Variants in NKAIN2 observed in about 807,000 individuals in gnomAD.
The protein encoded by NKAIN2 is sodium/potassium transporting ATPase interacting 2.
NKAIN2 carries 14 observed loss-of-function variants against 32.6 expected under a neutral mutation model. That is an observed-to-expected ratio of 0.43 (90% CI 0.28 to 0.67). NKAIN2 has a LOEUF of 0.67. Among genes scored for constraint, NKAIN2 ranks in the 30% least tolerant of loss-of-function variants. NKAIN2 has a pLI of 0.17. For synonymous variants in NKAIN2, 80 were observed against 87.2 expected (o/e 0.92, Z 0.46); for missense variants, 198 against 258.3 (o/e 0.77, Z 1.60).
chr6:123,922,674 C>T (rs1172200139), intron 1 of NKAIN2, among the ~76,000 whole-genome samples: 3 of 152,028 alleles, frequency 2.0e-5, no homozygotes, highest in African/African-American at 7.2e-5. Context: ...TCAATTTTCT[C>T]AATGTGCATG....
chr6:124,185,670 T>C (rs1304682778), intron 1 of NKAIN2, among the ~76,000 whole-genome samples: 1 of 152,304 alleles, frequency 6.6e-6, no homozygotes, highest in Admixed American at 6.5e-5. Context: ...ATTTTGTGTG[T>C]ACAAATATAC....
chr6:124,118,450 A>C (rs1213338944), intron 1 of NKAIN2, among the ~76,000 whole-genome samples: 2 of 152,074 alleles, frequency 1.3e-5, no homozygotes, highest in African/African-American at 4.8e-5. Context: ...TGATTATAAG[A>C]TTTGAAGTGG....
At chr6:124,809,542 C>G (rs887053102) in intron 5 of NKAIN2, among the ~76,000 whole-genome samples, 2 of 150,326 alleles carry the variant, frequency 1.3e-5, no homozygotes, top group Non-Finnish European at 3.0e-5. Flanking sequence ...AGAAGAAAAC[C>G]TAGGCATTAC....
chr6:124,392,874 G>A (rs1773205223), intron 3 of NKAIN2, among the ~76,000 whole-genome samples: 1 of 152,030 alleles, frequency 6.6e-6, no homozygotes, highest in Non-Finnish European at 1.5e-5. Flanking sequence ...TATGCTCCTA[G>A]TTTTTTCTTA....
At chr6:124,485,515 A>G (rs1777615545) in intron 3 of NKAIN2, among the ~76,000 whole-genome samples, 1 of 152,074 alleles carries the variant, frequency 6.6e-6, no homozygotes, top group Admixed American at 6.6e-5. Flanking sequence ...TACATGTTAA[A>G]ATATAGTTAA....
chr6:124,130,097 A>C (rs889103750), intron 1 of NKAIN2, among the ~76,000 whole-genome samples: 2 of 152,180 alleles, frequency 1.3e-5, no homozygotes, highest in Admixed American at 1.3e-4. Flanking sequence ...GCTCAGCTTT[A>C]GTCTCATGCT....
chr6:124,616,923 A>T (rs1374703829), intron 3 of NKAIN2, among the ~76,000 whole-genome samples: 1 of 152,110 alleles, frequency 6.6e-6, no homozygotes, highest in Admixed American at 6.5e-5. Flanking sequence ...GAATGACTCC[A>T]GTCATGATAT....
chr6:124,211,263 A>T (rs1791160169), intron 1 of NKAIN2, among the ~76,000 whole-genome samples: 1 of 151,890 alleles, frequency 6.6e-6, no homozygotes, highest in Non-Finnish European at 1.5e-5. Context: ...GATTATATTT[A>T]AAAAAGACTA....
intron 3 of NKAIN2, among the ~76,000 whole-genome samples, chr6:124,418,036 G>T (rs1172833638): frequency 2.0e-5 from 3 of 152,078 alleles, no homozygotes; most frequent in African/African-American, 7.2e-5. Context: ...TATGACCCAG[G>T]TTTGCATATA....
chr6:124,138,072 A>C (rs1474029883), intron 1 of NKAIN2, among the ~76,000 whole-genome samples: 1 of 152,234 alleles, frequency 6.6e-6, no homozygotes, highest in Non-Finnish European at 1.5e-5. Context: ...GACAACCCAC[A>C]GAGTAGGAGA....
rs1379778864 is a variant in NKAIN2 at position 124,483,477 on chromosome 6, AT to A, written c.273+128136del. Reference sequence around the variant, plus strand: ...CCCTGATATTAAGACTTATATCACAATTTTTTATTTAAATGAAGGTAAAAAT... The same window carrying A: ...CCCTGATATTAAGACTTATATCACAATTTTTATTTAAATGAAGGTAAAAAT... On this transcript the variant is annotated intron_variant, in intron 3 of 6. Coordinates refer to ENST00000368417, the MANE Select transcript of NKAIN2 (RefSeq NM_001040214.3). Among the ~76,000 whole-genome samples the A allele has an allele frequency of 2.0e-5, 3 of 152,280 alleles. No homozygotes were observed. In the East Asian group the frequency reaches 5.8e-4, roughly 29 times the overall value.
chr6:124,583,606 T>C (rs1402732691), intron 3 of NKAIN2, among the ~76,000 whole-genome samples: 3 of 152,166 alleles, frequency 2.0e-5, no homozygotes, highest in African/African-American at 7.2e-5. Context: ...TTCACAGGAA[T>C]AGAAAATACA....
At chr6:124,155,923 G>A (rs981254436) in intron 1 of NKAIN2, among the ~76,000 whole-genome samples, 2 of 150,856 alleles carry the variant, frequency 1.3e-5, no homozygotes, top group African/African-American at 4.9e-5. Flanking sequence ...TAGTAACAAC[G>A]GGAAGCCCAG....
intron 1 of NKAIN2, among the ~76,000 whole-genome samples, chr6:124,279,022 C>G (rs976790411): frequency 6.6e-6 from 1 of 152,092 alleles, no homozygotes; most frequent in Non-Finnish European, 1.5e-5. Flanking sequence ...AAACACACAA[C>G]TACATTGCAA....
At chr6:124,210,141 A>G (rs1345940168) in intron 1 of NKAIN2, among the ~76,000 whole-genome samples, 1 of 151,754 alleles carries the variant, frequency 6.6e-6, no homozygotes, top group Non-Finnish European at 1.5e-5. Context: ...CAGGAGATAG[A>G]GATCTAGTTT....
intron 1 of NKAIN2, among the ~76,000 whole-genome samples, chr6:123,818,232 G>A (rs566468318): frequency 5.9e-5 from 9 of 152,224 alleles, no homozygotes; most frequent in African/African-American, 2.2e-4. Context: ...GAATGTAGAA[G>A]TTTTAGGTCC....
intron 1 of NKAIN2, among the ~76,000 whole-genome samples, chr6:123,855,039 T>C (rs1775503982): frequency 1.3e-5 from 2 of 152,210 alleles, no homozygotes; most frequent in African/African-American, 4.8e-5. Context: ...TCAAAGTCAG[T>C]TGGACAGCTA....
intron 1 of NKAIN2, among the ~76,000 whole-genome samples, chr6:124,194,030 C>T (rs1790173594): frequency 6.6e-6 from 1 of 152,094 alleles, no homozygotes; most frequent in Non-Finnish European, 1.5e-5. Context: ...CCCATTGTCT[C>T]TTAGTCTGAA....
chr6:123,900,790 G>T (rs1179303574), intron 1 of NKAIN2, among the ~76,000 whole-genome samples: 1 of 151,764 alleles, frequency 6.6e-6, no homozygotes, highest in Non-Finnish European at 1.5e-5. Flanking sequence ...TTTTCTCTTT[G>T]CAGGACACCT....
Sources: gnomAD v4.1 joint callset for allele counts (sites outside exome capture counted in the v4.1 genomes callset) on GRCh38, gnomAD v4.1.1 for gene constraint, MANE v1.5 for transcripts, NCBI Gene and HGNC (gene_info 2026-07-23, HGNC 2026-07-21) for gene names.